TTC7A: variants seen among roughly 807,000 people sequenced by gnomAD.
TTC7A encodes tetratricopeptide repeat protein 7A.
A neutral mutation model predicts 103.7 loss-of-function variants in TTC7A; 110 were observed. The ratio of observed to expected loss-of-function variants is 1.06; its 90% CI spans 0.91 to 1.24. TTC7A has a LOEUF of 1.24. Among genes scored for constraint, TTC7A ranks in the 50% most tolerant of loss-of-function variants. The probability of loss-of-function intolerance (pLI) is 0.00; values close to 1 mark genes in which losing one functional copy is unlikely to be tolerated. For missense variants in TTC7A, 1,340 were observed against 1,116.3 expected, an observed-to-expected ratio of 1.20 and a Z score of -2.86; for synonymous variants, 521 against 467.9, an observed-to-expected ratio of 1.11 and a Z score of -1.47.
In TTC7A at chr2:47,041,819, A is replaced by G. The variant is rs1573001809; in HGVS notation, c.1803-4496A>G. ...TCTTAAGCCTAGGTGGCAAAAAAAG[A>G]TTATATACATAGTAGGGGAAGGGAA... On this transcript the variant is annotated intron_variant, in intron 15 of 19. Coordinates refer to ENST00000319190, the MANE Select transcript of TTC7A (RefSeq NM_020458.4). 2.6e-5 allele frequency among the ~76,000 whole-genome samples: 4 copies of G among 151,950 alleles called. No individual in the cohort carries two copies. The South Asian group carries it at 8.3e-4, about 32-fold the overall frequency.
At chr2:47,000,007 T>A (rs13402320) in intron 8 of TTC7A, 1 of 698,546 alleles carries the variant, frequency 1.4e-6, no homozygotes, top group Non-Finnish European at 1.8e-6. Context: ...TGTGGCCTGG[T>A]TGAGCTTCTT....
rs1685146961 is a variant in TTC7A, at chr2:47,075,485, A to C, written c.*1562A>C. On this transcript the variant is annotated 3_prime_UTR_variant, in exon 20 of 20. Transcript: ENST00000319190. The stretch of plus-strand genomic sequence containing the variant: ...TTTTAAGCATTTCCTTGTTGGAAGC[A>C]GCAGAGGGCCAGGCCAAGTTGCTGA... 6.6e-6 allele frequency: 1 copy of C among 152,198 alleles called. No homozygotes were observed. 9.4% of individuals were successfully genotyped at this position (152,198 alleles called of 1,614,324 possible). A position where few individuals can be genotyped will look rare whatever the true frequency, so the allele number is the denominator to read the frequency against.
At chr2:47,004,613 G>A (rs1283046036) in intron 8 of TTC7A, among the ~76,000 whole-genome samples, 1 of 152,100 alleles carries the variant, frequency 6.6e-6, no homozygotes, top group Non-Finnish European at 1.5e-5. Context: ...TACAGAAGGA[G>A]GCTCAGACAG....
At chr2:46,966,158 A>T (rs900881280) in intron 3 of TTC7A, among the ~76,000 whole-genome samples, 2 of 152,186 alleles carry the variant, frequency 1.3e-5, no homozygotes, top group African/African-American at 4.8e-5. Flanking sequence ...CATGTTAGTC[A>T]GGCTGGTCTT....
intron 3 of TTC7A, among the ~76,000 whole-genome samples, chr2:46,971,694 C>G (rs1454540519): frequency 2.0e-5 from 3 of 151,800 alleles, no homozygotes; most frequent in African/African-American, 7.3e-5. Context: ...GTGCTGAGGA[C>G]TTGGTCATTA....
At chr2:47,059,145 C>A (rs773321517) in intron 18 of TTC7A, among the ~76,000 whole-genome samples, 59 of 149,750 alleles carry the variant, frequency 3.9e-4, no homozygotes, top group Non-Finnish European at 7.4e-4. Context: ...CTCAGCCTCC[C>A]AAGTACCTGG....
intron 3 of TTC7A, among the ~76,000 whole-genome samples, chr2:46,974,046 A>G (rs756037417): frequency 1.3e-5 from 2 of 152,212 alleles, no homozygotes; most frequent in Non-Finnish European, 2.9e-5. Context: ...GATAGGCTCA[A>G]TCGTCCAAAG....
intron 8 of TTC7A, among the ~76,000 whole-genome samples, chr2:47,002,185 C>T (rs1402233746): frequency 2.0e-5 from 3 of 152,148 alleles, no homozygotes; most frequent in Admixed American, 2.0e-4. Context: ...AGGCTAGGAG[C>T]AGGACAACTA....
chr2:47,019,299 G>A (rs1479189281), intron 11 of TTC7A, among the ~76,000 whole-genome samples: 8 of 151,996 alleles, frequency 5.3e-5, no homozygotes, highest in Non-Finnish European at 1.0e-4. Flanking sequence ...TTGGGAGGCC[G>A]AGGCAGGAGG....
At chr2:46,916,173 T>A (rs1225923603) in exon 1 of TTC7A, 4 of 983,354 alleles carry the variant, frequency 4.1e-6, no homozygotes, top group Admixed American at 6.1e-5. Flanking sequence ...TACAGGGCTC[T>A]TGGTTCAGGT....
At chr2:46,994,730 C>G (rs1272769710) in intron 7 of TTC7A, among the ~76,000 whole-genome samples, 1 of 152,164 alleles carries the variant, frequency 6.6e-6, no homozygotes, top group African/African-American at 2.4e-5. Context: ...CACTCGGAGA[C>G]CAAAGAAATC....
rs1354225475 is a variant in TTC7A, at chr2:47,050,017, CTT to C, written c.1990_1991del (p.Leu664AlafsTer2). ...AAGAAGCAGAGTGGCATGCACCTGACTTTGCCTGATGCCCATGATGCAGACTC... is the reference window on the plus strand; with the variant it reads ...AAGAAGCAGAGTGGCATGCACCTGACTGCCTGATGCCCATGATGCAGACTC... On this transcript the variant is annotated frameshift_variant, in exon 17 of 20. Transcript: ENST00000319190. LOFTEE classifies it high-confidence loss of function. The C allele has an allele frequency of 1.2e-6, 2 of 1,614,024 alleles. No homozygotes were observed. The highest frequency in any genetic ancestry group is 1.7e-6 in the Non-Finnish European group (2 of 1,180,018).
rs550451538 is a variant in TTC7A at position 47,064,023 on chromosome 2, G to C, written c.2355+3052G>C. ...CAAGAGCAGATTCTCTACTCTCCCT[G>C]TCCCCCTGTCGGTGCCCTAGATGCA... On this transcript the variant is annotated intron_variant, in intron 19 of 19. Coordinates refer to ENST00000319190, the MANE Select transcript of TTC7A (RefSeq NM_020458.4). Among the ~76,000 whole-genome samples the C allele has an allele frequency of 6.6e-5, 10 of 152,354 alleles. No homozygotes were observed. In the East Asian group the frequency reaches 1.7e-3, roughly 26 times the overall value.
chr2:46,935,687 C>A (rs12990116), intron 2 of TTC7A, among the ~76,000 whole-genome samples: 1 of 152,178 alleles, frequency 6.6e-6, no homozygotes, highest in East Asian at 1.9e-4. Flanking sequence ...ACCCCTGACT[C>A]GGAAACAGGG....
chr2:46,995,223 G>C, intron 8 of TTC7A, 24 bp downstream of exon 8: 1 of 1,612,878 alleles, frequency 6.2e-7, no homozygotes, highest in Non-Finnish European at 8.5e-7. Flanking sequence ...TGTCCTTCAG[G>C]GGCCTCTGGC....
At chr2:46,951,877 A>G in intron 2 of TTC7A, 1 of 345,106 alleles carries the variant, frequency 2.9e-6, no homozygotes, top group Non-Finnish European at 5.7e-6. Flanking sequence ...GATAAGTCCT[A>G]TCAGCAAGTA....
intron 2 of TTC7A, 84 bp from the exon 3 acceptor site, chr2:46,956,755 G>A (rs1207131707): frequency 3.3e-6 from 5 of 1,507,382 alleles, no homozygotes; most frequent in Non-Finnish European, 4.6e-6. Context: ...AAGGTCTGAG[G>A]CAAACAAGGT....
At chr2:46,942,846 G>A (rs1002460522) in intron 1 of TTC7A, among the ~76,000 whole-genome samples, 1 of 152,322 alleles carries the variant, frequency 6.6e-6, no homozygotes, top group African/African-American at 2.4e-5. Context: ...GAAAGTGATC[G>A]GAGGGCAATT....
intron 19 of TTC7A, among the ~76,000 whole-genome samples, chr2:47,065,180 G>C (rs565182635): frequency 6.6e-6 from 1 of 152,182 alleles, no homozygotes; most frequent in African/African-American, 2.4e-5. Flanking sequence ...CCAGCTACTC[G>C]GGAATCTGAG....
Sources: allele counts gnomAD v4.1 joint callset (sites outside exome capture counted in the v4.1 genomes callset), GRCh38; gene constraint gnomAD v4.1.1; transcripts MANE v1.5; gene names NCBI Gene and HGNC (gene_info 2026-07-23, HGNC 2026-07-21).